The following PLEKHG3 variants were observed in gnomAD, a reference collection of about 807,000 sequenced individuals.
PLEKHG3 encodes the protein pleckstrin homology and RhoGEF domain containing G3.
A neutral mutation model predicts 94.9 loss-of-function variants in PLEKHG3; 62 were observed. That is an observed-to-expected ratio of 0.65 (90% CI 0.53 to 0.81). The LOEUF (loss-of-function observed/expected upper bound fraction) is 0.81, where lower values mean the gene tolerates loss of function less well. PLEKHG3 is among the 30% of genes least tolerant of loss of function. PLEKHG3 has a pLI of 0.00. For missense variants in PLEKHG3, 1,461 were observed against 1,619.3 expected (o/e 0.90, Z 1.68); for synonymous variants, 614 against 654.0 (o/e 0.94, Z 0.93).
rs1203387190 is a variant in PLEKHG3 at position 64,741,720 on chromosome 14, A to G, written c.2203A>G (p.Ser735Gly). The change falls in exon 16 of 17, where the codon AGC becomes GGC. Residue 735 changes from serine (S) to glycine (G), a missense_variant. Physicochemically the swap from Ser to Gly is moderately conservative, Grantham distance 56. Around this residue, in one of 3 missense-constraint regions of PLEKHG3, gnomAD observed 1,201 missense variants for 1,295.5 expected, o/e 0.93. Transcript: ENST00000247226. ...ENAEHHDAGFSVRRRESLSYI... is the reference protein window; with the variant it reads ...ENAEHHDAGFGVRRRESLSYI... ...TGCAGAACACCATGATGCAGGCTTC[A>G]GCGTCCGTCGCCGGGAGAGCCTCTC... 1.2e-6 allele frequency: 2 copies of G among 1,613,134 alleles called. No individual in the cohort carries two copies. Among genetic ancestry groups the G allele is most frequent in the East Asian group, 2.2e-5 (1 of 44,876 alleles).
At chr14:64,737,139 C>A in intron 13 of PLEKHG3, 1 of 645,098 alleles carries the variant, frequency 1.6e-6, no homozygotes. Context: ...GAGCAACAGG[C>A]ACAGACCTGC....
chr14:64,749,030 G>A lies in PLEKHG3; in HGVS notation c.*5327G>A, dbSNP rs1447033362. ...AGGAGGGCGTGTGCCTCAGAGAACC[G>A]TTTCCTGCCCCCAGGCCTGGAGGCC... On this transcript the variant is annotated 3_prime_UTR_variant, in exon 17 of 17. Transcript: ENST00000247226. This position sits in a 1 kb window ranked among gnomAD's most constrained non-coding sequence, Gnocchi z 4.7. 3 of 352,954 alleles carry A rather than the reference G, an allele frequency of 8.5e-6. No individual in the cohort carries two copies. Among genetic ancestry groups the A allele is most frequent in the Non-Finnish European group, 1.6e-5 (3 of 193,402 alleles). 21.9% of individuals were successfully genotyped at this position (352,954 alleles called of 1,614,324 possible).
chr14:64,739,984 A>G lies in PLEKHG3; in HGVS notation c.1519-1052A>G, dbSNP rs1293156654. Among the ~76,000 whole-genome samples the G allele has an allele frequency of 6.6e-6, 1 of 152,254 alleles. No individual in the cohort carries two copies. The highest frequency in any genetic ancestry group is 6.5e-5 in the Admixed American group (1 of 15,284). ...CCATTACAAAGTTTAAAAGAAGCAG[A>G]TGAAATTAATTTTAGTAGTATATTT... On this transcript the variant is annotated intron_variant, in intron 15 of 16. Transcript: ENST00000247226. This position sits in a 1 kb window ranked among gnomAD's most constrained non-coding sequence, Gnocchi z 4.1.
intron 1 of PLEKHG3, among the ~76,000 whole-genome samples, chr14:64,710,668 T>A (rs1324532587): frequency 2.6e-5 from 4 of 151,762 alleles, no homozygotes; most frequent in Non-Finnish European, 5.9e-5. Flanking sequence ...CAGAACTCTG[T>A]CTCAAAAGAA....
Position 64,732,339 on chromosome 14 carries a change from T to TGTCCTCGTACAGCAACAGTGGGTC in PLEKHG3, c.1213-87_1213-64dup. 3 of 1,308,802 alleles carry TGTCCTCGTACAGCAACAGTGGGTC rather than the reference T, an allele frequency of 2.3e-6. No individual in the cohort carries two copies. The highest frequency in any genetic ancestry group is 3.3e-6 in the Non-Finnish European group (3 of 902,714). 81.1% of individuals were successfully genotyped at this position (1,308,802 alleles called of 1,614,324 possible). A position where few individuals can be genotyped will look rare whatever the true frequency, so the allele number is the denominator to read the frequency against. ...CGGGCCTTGGTGCAGCACTGTGGGG[T>TGTCCTCGTACAGCAACAGTGGGTC]GTCCTCGTACAGCAACAGTGGGTCC... On this transcript the variant is annotated intron_variant, in intron 10 of 16. Coordinates refer to ENST00000247226, the MANE Select transcript of PLEKHG3 (RefSeq NM_001308147.2). The surrounding 1 kb of genome is among the most constrained non-coding windows in gnomAD (Gnocchi z 4.9).
chr14:64,737,260 G>GC, intron 13 of PLEKHG3, 96 bp from the exon 14 acceptor site: 1 of 888,572 alleles, frequency 1.1e-6, no homozygotes. Context: ...TCCCCAGGGA[G>GC]CTGTCCAGAG....
In PLEKHG3 at chr14:64,727,742, G is replaced by A. The variant is rs772459290; in HGVS notation, c.111G>A (p.Glu37=). Residue 37 remains glutamate (E), a synonymous_variant, in exon 2 of 17, where the codon GAG becomes GAA. Coordinates refer to ENST00000247226, the MANE Select transcript of PLEKHG3 (RefSeq NM_001308147.2). This position sits in a 1 kb window ranked among gnomAD's most constrained non-coding sequence, Gnocchi z 6.0. The stretch of plus-strand genomic sequence containing the variant: ...CCTGTGACAGTCGCAGTGCCATGGA[G>A]GAGCCCAGCAGCTCCGAGGCTCCCG... The part of the protein sequence containing the change: ...GSSCDSRSAM[E]EPSSSEAPAK... 2 of 1,611,858 alleles carry A rather than the reference G, an allele frequency of 1.2e-6. No individual in the cohort carries two copies. The highest frequency in any genetic ancestry group is 1.7e-5 in the Admixed American group (1 of 59,958).
Position 64,726,170 on chromosome 14 carries a change from A to G in PLEKHG3, c.-39-1423A>G, listed in dbSNP as rs2081348859. ...TGGGGACGAGATAACGCCAAGGCAG[A>G]GAGAACATTTGCAAAAGCCGGAGAC... On this transcript the variant is annotated intron_variant, in intron 1 of 16. Transcript: ENST00000247226. The surrounding 1 kb of genome is among the most constrained non-coding windows in gnomAD (Gnocchi z 5.1). Among the ~76,000 whole-genome samples the G allele has an allele frequency of 6.6e-6, 1 of 152,150 alleles. No individual in the cohort carries two copies. Among genetic ancestry groups the G allele is most frequent in the African/African-American group, 2.4e-5 (1 of 41,416 alleles).
rs1368683643 is a variant in PLEKHG3, at chr14:64,749,233, C to T, written c.*5530C>T. On this transcript the variant is annotated 3_prime_UTR_variant, in exon 17 of 17. Coordinates refer to ENST00000247226, the MANE Select transcript of PLEKHG3 (RefSeq NM_001308147.2). This position sits in a 1 kb window ranked among gnomAD's most constrained non-coding sequence, Gnocchi z 4.7. ...TCTCGATTCGACCGGCGGGCGGCGG[C>T]GAGAGGAGGCCAAGGCCTGGGCTGC... The T allele has an allele frequency of 8.6e-6, 13 of 1,512,286 alleles. No homozygotes were observed. Among genetic ancestry groups the T allele is most frequent in the Non-Finnish European group, 1.1e-5 (12 of 1,128,350 alleles). The allele number at this position is 1,512,286 out of a possible 1,614,324, so 93.7% of individuals were successfully genotyped here.
chr14:64,739,702 T>A lies in PLEKHG3; in HGVS notation c.1518+847T>A, dbSNP rs146179614. ...GATGCCAGCAGACCCTGGGGAGGGC[T>A]TGCCCTCTGCTTCGTAGATGGTGGC... is the stretch of plus-strand genomic sequence containing the variant. On this transcript the variant is annotated intron_variant, in intron 15 of 16. Transcript: ENST00000247226. This position sits in a 1 kb window ranked among gnomAD's most constrained non-coding sequence, Gnocchi z 4.1. Among the ~76,000 whole-genome samples, 198 of 152,364 alleles carry A rather than the reference T, an allele frequency of 1.3e-3. 1 individual carries two copies. Among genetic ancestry groups the A allele is most frequent in the African/African-American group, 4.6e-3 (190 of 41,592 alleles).
In PLEKHG3 at chr14:64,730,848, T is replaced by G; in HGVS notation, c.616T>G (p.Phe206Val). Reference sequence around the variant, plus strand: ...CATGCGGGACAAGCAGCAGGCCAAGTTCTTTCGGGACCGGCAGGAGCTGCT... The same window carrying G: ...CATGCGGGACAAGCAGCAGGCCAAGGTCTTTCGGGACCGGCAGGAGCTGCT... ...ECMRDKQQAK[F>V]FRDRQELLQH... The change falls in exon 6 of 17, where the codon TTC becomes GTC. Residue 206 changes from phenylalanine (F) to valine (V), a missense_variant. Transcript: ENST00000247226. The surrounding 1 kb of genome is among the most constrained non-coding windows in gnomAD (Gnocchi z 5.4). The G allele has an allele frequency of 1.9e-6, 3 of 1,613,516 alleles. No individual in the cohort carries two copies. Among genetic ancestry groups the G allele is most frequent in the Non-Finnish European group, 2.5e-6 (3 of 1,180,008 alleles).
At chr14:64,729,207 G>A in intron 3 of PLEKHG3, 114 bp downstream of exon 3, 2 of 569,092 alleles carry the variant, frequency 3.5e-6, no homozygotes, top group Non-Finnish European at 6.3e-6. Flanking sequence ...TGGGCCTGGG[G>A]CCTGATCTCT....
Position 64,725,710 on chromosome 14 carries a change from C to T in PLEKHG3, c.-39-1883C>T, listed in dbSNP as rs946848876. ...GGGGAGCACTGGGCTGCCACTGAGT[C>T]CCCATCTGCAAGTTGAGAGGCTCAT... On this transcript the variant is annotated intron_variant, in intron 1 of 16. Coordinates refer to ENST00000247226, the MANE Select transcript of PLEKHG3 (RefSeq NM_001308147.2). This position sits in a 1 kb window ranked among gnomAD's most constrained non-coding sequence, Gnocchi z 5.0. Among the ~76,000 whole-genome samples the T allele has an allele frequency of 2.0e-5, 3 of 152,156 alleles. No homozygotes were observed. Among genetic ancestry groups the T allele is most frequent in the Non-Finnish European group, 4.4e-5 (3 of 68,020 alleles).
intron 12 of PLEKHG3, among the ~76,000 whole-genome samples, chr14:64,734,853 T>C (rs899098800): frequency 6.6e-6 from 1 of 151,830 alleles, no homozygotes; most frequent in African/African-American, 2.4e-5. Context: ...CCCGAGTAGC[T>C]GGGATTACAG....
In PLEKHG3 at chr14:64,727,469, T is replaced by C; in HGVS notation, c.-39-124T>C. ...ACAGAACCTTTTCATCTTCTAAAACTGAACTCTGGATGCACTAAATAATAC... is the reference window on the plus strand; with the variant it reads ...ACAGAACCTTTTCATCTTCTAAAACCGAACTCTGGATGCACTAAATAATAC... On this transcript the variant is annotated intron_variant, in intron 1 of 16. Transcript: ENST00000247226. The surrounding 1 kb of genome is among the most constrained non-coding windows in gnomAD (Gnocchi z 6.0). 1 of 586,870 alleles carries C rather than the reference T, an allele frequency of 1.7e-6. No homozygotes were observed. The highest frequency in any genetic ancestry group is 2.8e-5 in the East Asian group (1 of 35,854). 36.4% of individuals were successfully genotyped at this position (586,870 alleles called of 1,614,324 possible). A position where few individuals can be genotyped will look rare whatever the true frequency, so the allele number is the denominator to read the frequency against.
Position 64,722,837 on chromosome 14 carries a change from T to C in PLEKHG3, c.-39-4756T>C, listed in dbSNP as rs1278960022. Reference sequence around the variant, plus strand: ...GGAGAGCCAGTGGGAGTGGGCTGACTCCTGGGCATTCCCCAAGACCAGAGA... The same window carrying C: ...GGAGAGCCAGTGGGAGTGGGCTGACCCCTGGGCATTCCCCAAGACCAGAGA... On this transcript the variant is annotated intron_variant, in intron 1 of 16. Coordinates refer to ENST00000247226, the MANE Select transcript of PLEKHG3 (RefSeq NM_001308147.2). This position sits in a 1 kb window ranked among gnomAD's most constrained non-coding sequence, Gnocchi z 4.3. Among the ~76,000 whole-genome samples the C allele has an allele frequency of 6.6e-6, 1 of 152,144 alleles. No individual in the cohort carries two copies. Among genetic ancestry groups the C allele is most frequent in the East Asian group, 1.9e-4 (1 of 5,198 alleles).
intron 15 of PLEKHG3, among the ~76,000 whole-genome samples, chr14:64,740,070 A>G (rs1490948325): frequency 1.3e-5 from 2 of 152,158 alleles, no homozygotes; most frequent in East Asian, 3.8e-4. Flanking sequence ...AAAGTTACTG[A>G]TATGTTTTAT....
chr14:64,737,792 G>C, intron 14 of PLEKHG3: 1 of 795,316 alleles, frequency 1.3e-6, no homozygotes, highest in Non-Finnish European at 1.7e-6. Context: ...CTCCCCCCCC[G>C]CAGCTGCCTG....
At position 64,718,222 on chromosome 14, in the gene PLEKHG3, G is replaced by A. The variant is rs1361559202; in HGVS notation, c.-39-9371G>A. Among the ~76,000 whole-genome samples, 2 of 152,190 alleles carry A rather than the reference G, an allele frequency of 1.3e-5. No homozygotes were observed. Among genetic ancestry groups the A allele is most frequent in the Admixed American group, 6.5e-5 (1 of 15,278 alleles). ...TTCATGCTTTTGTACTAGGACTCAA[G>A]GCATTGTTTTGTGAATACTCTGTTT... On this transcript the variant is annotated intron_variant, in intron 1 of 16. Coordinates refer to ENST00000247226, the MANE Select transcript of PLEKHG3 (RefSeq NM_001308147.2). This position sits in a 1 kb window ranked among gnomAD's most constrained non-coding sequence, Gnocchi z 5.0.
Sources: allele counts gnomAD v4.1 joint callset (sites outside exome capture counted in the v4.1 genomes callset), GRCh38; gene constraint gnomAD v4.1.1; regional missense constraint gnomAD v4.1.1; non-coding constraint Gnocchi (gnomAD v3.1); transcripts MANE v1.5; gene names NCBI Gene and HGNC (gene_info 2026-07-23, HGNC 2026-07-21).